LRMDA: variants seen among roughly 807,000 people sequenced by gnomAD.
LRMDA encodes the protein leucine rich melanocyte differentiation associated.
In LRMDA, 18 loss-of-function variants were observed where a neutral mutation model predicts 29.8. The observed-to-expected ratio is 0.60, with a 90% CI of 0.42 to 0.90. The LOEUF (loss-of-function observed/expected upper bound fraction) is 0.90, where lower values mean the gene tolerates loss of function less well. LRMDA is among the 40% of genes least tolerant of loss of function. The pLI, the probability that LRMDA is intolerant of heterozygous loss-of-function variation, is 0.00. For missense variants in LRMDA, 273 were observed against 273.9 expected, an observed-to-expected ratio of 1.00 and a Z score of 0.02; for synonymous variants, 125 against 109.4, an observed-to-expected ratio of 1.14 and a Z score of -0.89.
chr10:75,463,291 G>T (rs1352549741), intron 2 of LRMDA, among the ~76,000 whole-genome samples: 2 of 152,116 alleles, frequency 1.3e-5, no homozygotes, highest in African/African-American at 4.8e-5. Context: ...GTCTAATTCT[G>T]TAGGTCTGGG....
intron 6 of LRMDA, among the ~76,000 whole-genome samples, chr10:76,546,312 C>A (rs186706150): frequency 1.4e-4 from 21 of 152,316 alleles, no homozygotes; most frequent in Admixed American, 1.4e-3. Context: ...CTTCCCACCC[C>A]AGCTAATCTC....
chr10:75,994,824 G>A (rs1424929585), intron 2 of LRMDA, among the ~76,000 whole-genome samples: 6 of 152,094 alleles, frequency 3.9e-5, no homozygotes, highest in African/African-American at 1.2e-4. Context: ...TCTAAATAAC[G>A]CAGCAACTCA....
At chr10:75,865,388 G>A (rs1365465857) in intron 2 of LRMDA, among the ~76,000 whole-genome samples, 1 of 152,038 alleles carries the variant, frequency 6.6e-6, no homozygotes, top group Non-Finnish European at 1.5e-5. Context: ...TAAGATCTGT[G>A]CATTTCATTA....
At chr10:75,493,348 G>GTGTGTGTGTGTGTGT (rs1774093324) in intron 2 of LRMDA, among the ~76,000 whole-genome samples, 1 of 133,270 alleles carries the variant, frequency 7.5e-6, no homozygotes, top group African/African-American at 2.9e-5. Flanking sequence ...GTTGAGATTG[G>GTGTGTGTGTGTGTGT]GTGTGTGTGT....
chr10:75,970,099 G>A (rs539136765), intron 2 of LRMDA, among the ~76,000 whole-genome samples: 48 of 152,268 alleles, frequency 3.2e-4, no homozygotes, highest in African/African-American at 1.1e-3. Flanking sequence ...TGTCCAATAG[G>A]TAGCTCTCTG....
intron 2 of LRMDA, among the ~76,000 whole-genome samples, chr10:75,521,615 A>T (rs1206502086): frequency 1.3e-5 from 2 of 152,126 alleles, no homozygotes; most frequent in African/African-American, 4.8e-5. Context: ...ACAGTCTCTA[A>T]TGGCTTCCCT....
intron 2 of LRMDA, among the ~76,000 whole-genome samples, chr10:76,023,710 T>C (rs1166585559): frequency 6.6e-6 from 1 of 152,246 alleles, no homozygotes; most frequent in Non-Finnish European, 1.5e-5. Context: ...ATCAGGTTCC[T>C]TGGTTGTTCC....
Position 76,012,061 on chromosome 10 carries a change from C to T in LRMDA, c.132-23947C>T, listed in dbSNP as rs148478671. Among the ~76,000 whole-genome samples, 3 of 152,294 alleles carry T rather than the reference C, an allele frequency of 2.0e-5. No individual in the cohort carries two copies. The East Asian group carries it at 5.8e-4, about 29-fold the overall frequency. ...TAGGGTTAGGGGCAGGGTCTGAGTG[C>T]AGTTCAGGGTTGCCAGGTTGTCAGA... On this transcript the variant is annotated intron_variant, in intron 2 of 6. Transcript: ENST00000611255.
chr10:76,275,612 CA>C (rs1840121480), intron 5 of LRMDA, among the ~76,000 whole-genome samples: 1 of 151,886 alleles, frequency 6.6e-6, no homozygotes, highest in Non-Finnish European at 1.5e-5. Context: ...TTGATCTTTC[CA>C]AATTGCTTTT....
intron 6 of LRMDA, among the ~76,000 whole-genome samples, chr10:76,469,024 C>T (rs992857340): frequency 1.8e-4 from 27 of 152,262 alleles, no homozygotes; most frequent in Non-Finnish European, 3.2e-4. Context: ...TCCAACCATT[C>T]GGAGTCTCTG....
chr10:75,687,713 T>C (rs572989368), intron 2 of LRMDA, among the ~76,000 whole-genome samples: 56 of 152,330 alleles, frequency 3.7e-4, no homozygotes, highest in African/African-American at 1.1e-3. Flanking sequence ...TGGAAGAAGA[T>C]GCCATCTAGG....
At chr10:75,596,305 C>T (rs1163552130) in intron 2 of LRMDA, among the ~76,000 whole-genome samples, 1 of 152,196 alleles carries the variant, frequency 6.6e-6, no homozygotes, top group African/African-American at 2.4e-5. Flanking sequence ...TCTGCACTCT[C>T]CGCCCTTACG....
At chr10:76,067,284 C>T (rs916892668) in intron 5 of LRMDA, among the ~76,000 whole-genome samples, 2 of 152,146 alleles carry the variant, frequency 1.3e-5, no homozygotes, top group African/African-American at 2.4e-5. Flanking sequence ...AGTTGTCATT[C>T]GCATGATCAC....
chr10:75,922,890 A>G (rs1385658330), intron 2 of LRMDA, among the ~76,000 whole-genome samples: 1 of 151,964 alleles, frequency 6.6e-6, no homozygotes, highest in Non-Finnish European at 1.5e-5. Context: ...TTCATCTATT[A>G]TTGGTGGTGA....
intron 2 of LRMDA, among the ~76,000 whole-genome samples, chr10:75,925,599 G>C (rs2132394812): frequency 6.6e-6 from 1 of 152,232 alleles, no homozygotes; most frequent in Admixed American, 6.5e-5. Flanking sequence ...CATTGTGGAG[G>C]AAGAAGGTGA....
intron 6 of LRMDA, among the ~76,000 whole-genome samples, chr10:76,554,887 GT>G (rs1564575360): frequency 3.8e-5 from 5 of 132,112 alleles, no homozygotes; most frequent in Admixed American, 8.1e-5. Flanking sequence ...GTGTGTGTGT[GT>G]GTGTGTGTGG....
intron 6 of LRMDA, among the ~76,000 whole-genome samples, chr10:76,378,862 T>TC (rs1564525181): frequency 7.0e-6 from 1 of 143,784 alleles, no homozygotes; most frequent in Non-Finnish European, 1.5e-5. Flanking sequence ...TTTTTTCTTT[T>TC]TTTTTTTTTT....
rs566311308 is a variant in LRMDA, at chr10:76,391,005, A to G, written c.601+66520A>G. The stretch of plus-strand genomic sequence containing the variant: ...ACATATGATAGTCATAGAACCCAAG[A>G]ACTTACCATCCAATGGAAATATTTT... On this transcript the variant is annotated intron_variant, in intron 6 of 6. Transcript: ENST00000611255. Among the ~76,000 whole-genome samples, 3 of 152,324 alleles carry G rather than the reference A, an allele frequency of 2.0e-5. No individual in the cohort carries two copies. The South Asian group carries it at 6.2e-4, about 32-fold the overall frequency.
intron 2 of LRMDA, among the ~76,000 whole-genome samples, chr10:75,618,513 A>AACTATATATATATCAACCATATATAT (rs1564523827): frequency 1.9e-3 from 33 of 17,554 alleles, no homozygotes; most frequent in African/African-American, 1.9e-3. Flanking sequence ...CATATATATT[A>AACTATATATATATCAACCATATATAT]TATATATATA....
Sources: allele counts gnomAD v4.1 joint callset (sites outside exome capture counted in the v4.1 genomes callset), GRCh38; gene constraint gnomAD v4.1.1; transcripts MANE v1.5; gene names NCBI Gene and HGNC (gene_info 2026-07-23, HGNC 2026-07-21).